DCP2: variants seen among roughly 807,000 people sequenced by gnomAD.
The protein encoded by DCP2 is m7GpppN-mRNA hydrolase.
Under a neutral mutation model 56.1 loss-of-function variants are expected in DCP2, and 30 were observed. The ratio of observed to expected loss-of-function variants is 0.53; its 90% CI spans 0.40 to 0.73. The LOEUF (loss-of-function observed/expected upper bound fraction) is 0.73, where lower values mean the gene tolerates loss of function less well. DCP2 is among the 30% of genes least tolerant of loss of function. DCP2 has a pLI of 0.00. For missense variants in DCP2, 533 were observed against 502.7 expected (o/e 1.06, Z -0.58); for synonymous variants, 197 against 163.3 (o/e 1.21, Z -1.57).
intron 8 of DCP2, among the ~76,000 whole-genome samples, chr5:113,006,291 G>T (rs570175741): frequency 8.5e-5 from 13 of 152,292 alleles, no homozygotes; most frequent in Admixed American, 3.3e-4. Context: ...CAAGGCTAGA[G>T]GGAGGGGAGA....
At chr5:112,990,403 C>T (rs935687180) in intron 2 of DCP2, among the ~76,000 whole-genome samples, 3 of 152,148 alleles carry the variant, frequency 2.0e-5, no homozygotes, top group Non-Finnish European at 4.4e-5. Context: ...GAGTATCCCA[C>T]ATTTGCTCCT....
At chr5:113,010,449 G>A (rs998848251) in intron 9 of DCP2, among the ~76,000 whole-genome samples, 3 of 152,016 alleles carry the variant, frequency 2.0e-5, no homozygotes, top group East Asian at 1.9e-4. Flanking sequence ...CAAGTGATCC[G>A]TTTGCTTCAG....
At position 113,013,833 on chromosome 5, in the gene DCP2, C is replaced by T. The variant is rs1344072769; in HGVS notation, c.*349C>T. ...AAGTTAATGGGAATGCTCCATCTAC[C>T]TGTTACAGTGATTGCAATAATAGTA... is the stretch of plus-strand genomic sequence containing the variant. On this transcript the variant is annotated 3_prime_UTR_variant, in exon 11 of 11. Coordinates refer to ENST00000389063, the MANE Select transcript of DCP2 (RefSeq NM_152624.6). 1 of 184,236 alleles carries T rather than the reference C, an allele frequency of 5.4e-6. No individual in the cohort carries two copies. Among genetic ancestry groups the T allele is most frequent in the Non-Finnish European group, 1.1e-5 (1 of 88,844 alleles). 11.4% of individuals were successfully genotyped at this position (184,236 alleles called of 1,614,324 possible).
In DCP2 at chr5:113,001,619, A is replaced by G; in HGVS notation, c.751A>G (p.Asn251Asp). 2.5e-6 allele frequency: 4 copies of G among 1,614,196 alleles called. No homozygotes were observed. The highest frequency in any genetic ancestry group is 3.4e-6 in the Non-Finnish European group (4 of 1,180,028). The stretch of plus-strand genomic sequence containing the variant: ...ATTTGGCGATTCCTCAGACAGTGAC[A>G]ATGGATTTTCCTCAACTGGTAGCAC... ...RRFGDSSDSDNGFSSTGSTPA... is the reference protein window; with the variant it reads ...RRFGDSSDSDDGFSSTGSTPA... The change falls in exon 7 of 11, where the codon AAT becomes GAT. Residue 251 changes from asparagine (N) to aspartate (D), a missense_variant. Coordinates refer to ENST00000389063, the MANE Select transcript of DCP2 (RefSeq NM_152624.6).
rs992777168 is a variant in DCP2, at chr5:113,021,203, C to CT, written c.*7720dup. On this transcript the variant is annotated 3_prime_UTR_variant, in exon 11 of 11. Coordinates refer to ENST00000389063, the MANE Select transcript of DCP2 (RefSeq NM_152624.6). Reference sequence around the variant, plus strand: ...GACCAGCCTGACCAACATGGTGAAACTAAAAATTCAAAAATTAGCTGGGCG... The same window carrying CT: ...GACCAGCCTGACCAACATGGTGAAACTTAAAAATTCAAAAATTAGCTGGGCG... Among the ~76,000 whole-genome samples, 2 of 151,782 alleles carry CT rather than the reference C, an allele frequency of 1.3e-5. No individual in the cohort carries two copies. The highest frequency in any genetic ancestry group is 4.8e-5 in the African/African-American group (2 of 41,326).
At chr5:113,011,541 G>A (rs1749681101) in intron 10 of DCP2, among the ~76,000 whole-genome samples, 1 of 152,022 alleles carries the variant, frequency 6.6e-6, no homozygotes, top group South Asian at 2.1e-4. Flanking sequence ...TAAATTTAAG[G>A]CTTTCATATA....
chr5:112,982,553 A>G (rs1748060192), intron 1 of DCP2, among the ~76,000 whole-genome samples: 1 of 152,222 alleles, frequency 6.6e-6, no homozygotes, highest in African/African-American at 2.4e-5. Flanking sequence ...TTTCACACTT[A>G]GTTCCCACAT....
At chr5:112,977,909 GT>G (rs902203538) in intron 1 of DCP2, among the ~76,000 whole-genome samples, 11 of 151,794 alleles carry the variant, frequency 7.2e-5, no homozygotes, top group Admixed American at 1.3e-4. Context: ...CCTTCATGCA[GT>G]TTTTTTTAAT....
intron 2 of DCP2, among the ~76,000 whole-genome samples, chr5:112,988,625 G>C (rs1358377919): frequency 2.0e-5 from 3 of 151,892 alleles, no homozygotes; most frequent in Non-Finnish European, 4.4e-5. Flanking sequence ...ATGGGAGACA[G>C]ATTTCAAAGG....
chr5:113,000,420 A>ACACACACACACACACACACACACACACC (rs112449298), intron 4 of DCP2, among the ~76,000 whole-genome samples: 3 of 146,652 alleles, frequency 2.0e-5, no homozygotes, highest in African/African-American at 7.6e-5. Context: ...ACACACACAC[A>ACACACACACACACACACACACACACACC]CACACCCACA....
intron 2 of DCP2, among the ~76,000 whole-genome samples, chr5:112,989,336 A>G (rs948810841): frequency 1.5e-3 from 236 of 152,304 alleles, no homozygotes; most frequent in Middle Eastern, 3.4e-3. Context: ...TTCAAAGGGT[A>G]AGTTTAAGAA....
At chr5:112,979,962 A>C (rs144284759) in intron 1 of DCP2, among the ~76,000 whole-genome samples, 2 of 152,260 alleles carry the variant, frequency 1.3e-5, no homozygotes, top group African/African-American at 4.8e-5. Flanking sequence ...AACTGATAAC[A>C]CTGGTTACTT....
In DCP2 at chr5:112,985,461, G is replaced by A. The variant is rs1682396966; in HGVS notation, c.54-374G>A. Among the ~76,000 whole-genome samples, 3 of 152,294 alleles carry A rather than the reference G, an allele frequency of 2.0e-5. 1 individual carries two copies. The highest frequency in any genetic ancestry group is 4.1e-4 in the South Asian group (2 of 4,824). Reference sequence around the variant, plus strand: ...GTAATATTTTGTATGTGAAGATTATGTAATAGCAAACATTTTAAAATTGTA... The same window carrying A: ...GTAATATTTTGTATGTGAAGATTATATAATAGCAAACATTTTAAAATTGTA... On this transcript the variant is annotated intron_variant, in intron 1 of 10. Transcript: ENST00000389063.
chr5:112,986,163 TAATC>T (rs1748274539), intron 2 of DCP2, among the ~76,000 whole-genome samples, 177 bp downstream of exon 2: 2 of 152,034 alleles, frequency 1.3e-5, no homozygotes, highest in South Asian at 2.1e-4. Flanking sequence ...TTAATAATCA[TAATC>T]ATTAATACTC....
At chr5:112,991,844 A>T (rs1380480178) in intron 2 of DCP2, among the ~76,000 whole-genome samples, 1 of 152,198 alleles carries the variant, frequency 6.6e-6, no homozygotes, top group Non-Finnish European at 1.5e-5. Context: ...AGTACTAAAA[A>T]CTTGATTTGT....
intron 8 of DCP2, among the ~76,000 whole-genome samples, chr5:113,004,730 A>G (rs988002027): frequency 3.9e-5 from 6 of 152,184 alleles, no homozygotes; most frequent in African/African-American, 1.2e-4. Context: ...ATCCTCAGCA[A>G]AATACATGAG....
At position 113,018,572 on chromosome 5, in the gene DCP2, A is replaced by C. The variant is rs1749984885; in HGVS notation, c.*5088A>C. On this transcript the variant is annotated 3_prime_UTR_variant, in exon 11 of 11. Transcript: ENST00000389063. ...CCACATGGACCCTAACCTTTAGTAG[A>C]CTTCAGTCTTTTAGTCCAGTAGAAG... 6.6e-6 allele frequency: 1 copy of C among 152,184 alleles called. No homozygotes were observed. The highest frequency in any genetic ancestry group is 1.5e-5 in the Non-Finnish European group (1 of 68,040). 9.4% of individuals were successfully genotyped at this position (152,184 alleles called of 1,614,324 possible).
At chr5:112,988,141 T>C (rs1748388621) in intron 2 of DCP2, among the ~76,000 whole-genome samples, 1 of 152,042 alleles carries the variant, frequency 6.6e-6, no homozygotes, top group Non-Finnish European at 1.5e-5. Context: ...CTGTTAACCA[T>C]AGCACATTTT....
chr5:113,022,076 C>A lies in DCP2; in HGVS notation c.*8592C>A, dbSNP rs1212883272. 2 of 152,096 alleles carry A rather than the reference C, an allele frequency of 1.3e-5. No individual in the cohort carries two copies. The highest frequency in any genetic ancestry group is 2.9e-5 in the Non-Finnish European group (2 of 67,996). 9.4% of individuals were successfully genotyped at this position (152,096 alleles called of 1,614,324 possible). A position where few individuals can be genotyped will look rare whatever the true frequency, so the allele number is the denominator to read the frequency against. On this transcript the variant is annotated 3_prime_UTR_variant, in exon 11 of 11. Coordinates refer to ENST00000389063, the MANE Select transcript of DCP2 (RefSeq NM_152624.6). ...ACAGTTCTACAGAAGGATAGCCTTA[C>A]CCTTTAAATAACACAGTTAAGGTAC...
Sources: gnomAD v4.1 joint callset for allele counts (sites outside exome capture counted in the v4.1 genomes callset) on GRCh38, gnomAD v4.1.1 for gene constraint, MANE v1.5 for transcripts, NCBI Gene and HGNC (gene_info 2026-07-23, HGNC 2026-07-21) for gene names.